The following LDAH variants were observed in gnomAD, a reference collection of about 807,000 sequenced individuals.
LDAH encodes the protein lipid droplet-associated hydrolase.
In LDAH, 26 loss-of-function variants were observed where a neutral mutation model predicts 29.6. That is an observed-to-expected ratio of 0.88 (90% CI 0.64 to 1.22). The LOEUF is 1.22. LDAH is among the 50% of genes most tolerant of loss of function. The pLI is 0.00. For synonymous variants in LDAH, 117 were observed against 133.0 expected (o/e 0.88, Z 0.83); for missense variants, 344 against 387.3 (o/e 0.89, Z 0.94).
intron 6 of LDAH, among the ~76,000 whole-genome samples, chr2:20,697,175 G>T (rs1464797543): frequency 6.6e-6 from 1 of 152,104 alleles, no homozygotes; most frequent in African/African-American, 2.4e-5. Flanking sequence ...CACTTGTTCA[G>T]CCATCTCCCA....
chr2:20,766,123 A>G (rs1467515761), intron 4 of LDAH, among the ~76,000 whole-genome samples: 3 of 152,068 alleles, frequency 2.0e-5, no homozygotes, highest in Non-Finnish European at 4.4e-5. Flanking sequence ...TCGACATTAT[A>G]ATCTACTATG....
At chr2:20,682,770 C>T (rs141423843), downstream of LDAH, among the ~76,000 whole-genome samples, 252 of 152,318 alleles carry the variant, frequency 1.7e-3, 2 homozygotes, top group African/African-American at 5.7e-3. Context: ...CTCTAACACA[C>T]GAACTTTGGA....
At chr2:20,747,345 C>T (rs1473831436) in intron 4 of LDAH, among the ~76,000 whole-genome samples, 1 of 152,042 alleles carries the variant, frequency 6.6e-6, no homozygotes, top group African/African-American at 2.4e-5. Context: ...GTTTAACCCA[C>T]CCAATGTATT....
At chr2:20,754,796 G>GA (rs1473286869) in intron 4 of LDAH, among the ~76,000 whole-genome samples, 4 of 152,046 alleles carry the variant, frequency 2.6e-5, no homozygotes, top group Non-Finnish European at 5.9e-5. Context: ...TCAGTTTTAT[G>GA]AAAAAACAAA....
intron 5 of LDAH, among the ~76,000 whole-genome samples, chr2:20,710,648 C>T (rs57947816): frequency 0.034 from 4,656 of 136,284 alleles, 146 homozygotes; most frequent in East Asian, 0.12. Context: ...ATATAGTATA[C>T]ATATATATAC....
intron 5 of LDAH, among the ~76,000 whole-genome samples, chr2:20,735,509 T>C (rs1666712615): frequency 6.6e-6 from 1 of 152,222 alleles, no homozygotes; most frequent in South Asian, 2.1e-4. Context: ...TTCAAACATG[T>C]TTATTAATTG....
intron 5 of LDAH, among the ~76,000 whole-genome samples, chr2:20,708,957 C>G (rs1413153137): frequency 6.6e-6 from 1 of 152,138 alleles, no homozygotes; most frequent in Non-Finnish European, 1.5e-5. Flanking sequence ...AGAACTCTTA[C>G]AAATCAATAA....
chr2:20,725,220 T>TG lies in LDAH; in HGVS notation c.703+14750dup, dbSNP rs538018072. ...GGCTTTGGTAGATTCAGCACCATGATGGGGGGTGGCTGAGGAGAATAATCA... is the reference window on the plus strand; with the variant it reads ...GGCTTTGGTAGATTCAGCACCATGATGGGGGGGTGGCTGAGGAGAATAATCA... On this transcript the variant is annotated intron_variant, in intron 5 of 6. Transcript: ENST00000237822. 5.8e-3 allele frequency among the ~76,000 whole-genome samples: 888 copies of TG among 152,198 alleles called. 9 individuals carry two copies. The highest frequency in any genetic ancestry group is 0.02 in the African/African-American group (821 of 41,512).
At chr2:20,816,458 T>A (rs1018993856) in intron 1 of LDAH, among the ~76,000 whole-genome samples, 13 of 152,086 alleles carry the variant, frequency 8.5e-5, no homozygotes, top group Admixed American at 3.3e-4. Flanking sequence ...CTACTTTTTT[T>A]AAGTAGTGAT....
chr2:20,697,986 A>T (rs1054354281), intron 6 of LDAH, among the ~76,000 whole-genome samples: 1 of 152,230 alleles, frequency 6.6e-6, no homozygotes, highest in Non-Finnish European at 1.5e-5. Flanking sequence ...TCTGACTGCT[A>T]TTATATCTCA....
At chr2:20,749,353 A>G (rs1392797287) in intron 4 of LDAH, among the ~76,000 whole-genome samples, 1 of 152,232 alleles carries the variant, frequency 6.6e-6, no homozygotes, top group African/African-American at 2.4e-5. Context: ...TTATTCAGTG[A>G]AACCAGTAAA....
chr2:20,812,959 A>G (rs1178913897), intron 1 of LDAH, among the ~76,000 whole-genome samples: 1 of 152,176 alleles, frequency 6.6e-6, no homozygotes, highest in Non-Finnish European at 1.5e-5. Flanking sequence ...AATATGTGAG[A>G]AAATTGATTC....
rs116242026 is a variant in LDAH at position 20,776,163 on chromosome 2, C to T, written c.299-1184G>A. On this transcript the variant is annotated intron_variant, in intron 3 of 6. Coordinates refer to ENST00000237822, the MANE Select transcript of LDAH (RefSeq NM_021925.4). ...GCAAGGCATTGATGGGAATTACAGT[C>T]GGTATGGCTCATTCAAGAGGCACCC... Among the ~76,000 whole-genome samples, 951 of 152,254 alleles carry T rather than the reference C, an allele frequency of 6.2e-3. 12 individuals carry two copies. The highest frequency in any genetic ancestry group is 0.022 in the African/African-American group (904 of 41,538).
intron 5 of LDAH, among the ~76,000 whole-genome samples, chr2:20,731,344 C>T (rs1001353694): frequency 6.6e-5 from 10 of 152,164 alleles, no homozygotes; most frequent in African/African-American, 2.4e-4. Flanking sequence ...TGTGGCACCT[C>T]TCCCACTTGT....
chr2:20,809,736 T>C (rs1672343198), intron 1 of LDAH, among the ~76,000 whole-genome samples: 1 of 152,102 alleles, frequency 6.6e-6, no homozygotes. Flanking sequence ...CGAATAAACA[T>C]AAGGGCTTTC....
chr2:20,703,539 G>C (rs1664100215), intron 5 of LDAH, among the ~76,000 whole-genome samples: 1 of 152,098 alleles, frequency 6.6e-6, no homozygotes, highest in Non-Finnish European at 1.5e-5. Context: ...CTTTACTTCT[G>C]AATATTGTTC....
chr2:20,738,265 T>C (rs201278636), intron 5 of LDAH, among the ~76,000 whole-genome samples: 1 of 62,736 alleles, frequency 1.6e-5, no homozygotes, highest in Non-Finnish European at 4.4e-5. Flanking sequence ...ATAATAATAA[T>C]AATAATAATA....
chr2:20,751,276 G>T (rs115840072), intron 4 of LDAH, among the ~76,000 whole-genome samples: 2,027 of 152,124 alleles, frequency 0.013, 46 homozygotes, highest in African/African-American at 0.047. Flanking sequence ...TTATGTAAAG[G>T]TTTCCTGGAA....
At chr2:20,731,981 G>C (rs959815993) in intron 5 of LDAH, among the ~76,000 whole-genome samples, 1 of 151,836 alleles carries the variant, frequency 6.6e-6, no homozygotes, top group East Asian at 1.9e-4. Flanking sequence ...CTTCTGATCT[G>C]TATATCTTTT....
Sources: gnomAD v4.1 joint callset for allele counts (sites outside exome capture counted in the v4.1 genomes callset) on GRCh38, gnomAD v4.1.1 for gene constraint, MANE v1.5 for transcripts, NCBI Gene and HGNC (gene_info 2026-07-23, HGNC 2026-07-21) for gene names.